SV2C: variants seen among roughly 807,000 people sequenced by gnomAD.
SV2C encodes the protein synaptic vesicle glycoprotein 2C.
In SV2C, 49 loss-of-function variants were observed where a neutral mutation model predicts 79.7. That is an observed-to-expected ratio of 0.61 (90% CI 0.49 to 0.78). The LOEUF is 0.78. SV2C is among the 30% of genes least tolerant of loss of function. The probability of loss-of-function intolerance (pLI) is 0.00; values close to 1 mark genes in which losing one functional copy is unlikely to be tolerated. For synonymous variants in SV2C, 334 were observed against 333.2 expected (o/e 1.00, Z -0.03); for missense variants, 833 against 912.9 (o/e 0.91, Z 1.13).
the SV2C span, among the ~76,000 whole-genome samples, chr5:75,969,580 C>T: frequency 1.3e-5 from 2 of 152,090 alleles, no homozygotes; most frequent in East Asian, 1.9e-4. Context: ...CAAAGAAGGC[C>T]ATTACATAAT....
intron 2 of SV2C, among the ~76,000 whole-genome samples, chr5:76,167,732 C>T (rs1743086953): frequency 6.6e-6 from 1 of 152,164 alleles, no homozygotes; most frequent in Admixed American, 6.5e-5. Context: ...GGATAGGAAG[C>T]CATGCAGTCT....
At chr5:76,146,442 C>T (rs780013259) in intron 2 of SV2C, among the ~76,000 whole-genome samples, 7 of 152,162 alleles carry the variant, frequency 4.6e-5, no homozygotes, top group Non-Finnish European at 1.5e-5. Flanking sequence ...TATAGGGAAA[C>T]TTCCTGACAT....
At chr5:76,238,422 T>C (rs1019946747) in intron 4 of SV2C, among the ~76,000 whole-genome samples, 1 of 152,162 alleles carries the variant, frequency 6.6e-6, no homozygotes, top group African/African-American at 2.4e-5. Context: ...GGTTTTGGGA[T>C]GGGAGTGATC....
the SV2C span, among the ~76,000 whole-genome samples, chr5:76,015,297 A>G: frequency 6.9e-6 from 1 of 144,060 alleles, no homozygotes; most frequent in South Asian, 2.2e-4. Flanking sequence ...CCCACTGGAC[A>G]TGTAGCATGA....
chr5:76,060,034 C>A, the SV2C span, among the ~76,000 whole-genome samples: 1 of 152,038 alleles, frequency 6.6e-6, no homozygotes, highest in African/African-American at 2.4e-5. Flanking sequence ...TTTTAATGAG[C>A]AGTAGGCCTC....
At chr5:76,168,880 G>A (rs1038231892) in intron 2 of SV2C, among the ~76,000 whole-genome samples, 2 of 152,184 alleles carry the variant, frequency 1.3e-5, no homozygotes, top group Admixed American at 1.3e-4. Flanking sequence ...AGGCTGACCT[G>A]TAGACACTAT....
chr5:76,285,936 A>G, intron 6 of SV2C, 66 bp downstream of exon 6: 1 of 1,471,228 alleles, frequency 6.8e-7, no homozygotes, highest in Admixed American at 1.9e-5. Context: ...CAAGGGAAAA[A>G]TTGTAAATAT....
At chr5:76,137,130 C>T (rs1749095487) in intron 2 of SV2C, among the ~76,000 whole-genome samples, 1 of 152,086 alleles carries the variant, frequency 6.6e-6, no homozygotes, top group African/African-American at 2.4e-5. Context: ...TAAGAATACC[C>T]AATTAGATTG....
At chr5:76,274,905 C>A (rs1353842443) in intron 4 of SV2C, among the ~76,000 whole-genome samples, 1 of 152,048 alleles carries the variant, frequency 6.6e-6, no homozygotes. Context: ...TCTGTAGGAA[C>A]AAAATCAGAA....
chr5:75,925,455 T>C, the SV2C span, among the ~76,000 whole-genome samples: 1 of 152,100 alleles, frequency 6.6e-6, no homozygotes, highest in Non-Finnish European at 1.5e-5. Flanking sequence ...CCATACACCA[T>C]ATAGGTAGCT....
chr5:76,146,787 A>AG (rs1431926819), intron 2 of SV2C, among the ~76,000 whole-genome samples: 2 of 76,146 alleles, frequency 2.6e-5, no homozygotes, highest in Admixed American at 1.5e-4. Flanking sequence ...TAAAGGAATG[A>AG]GTTTTTTTTT....
chr5:75,877,332 T>C, the SV2C span, among the ~76,000 whole-genome samples: 2 of 151,902 alleles, frequency 1.3e-5, no homozygotes, highest in East Asian at 1.9e-4. Context: ...ACAACAATAA[T>C]TGGAAACTTC....
intron 2 of SV2C, among the ~76,000 whole-genome samples, chr5:76,179,282 A>C (rs2112296352): frequency 6.6e-6 from 1 of 152,348 alleles, no homozygotes; most frequent in East Asian, 1.9e-4. Flanking sequence ...GAACGAATGC[A>C]GTGTGCTTAG....
At chr5:76,348,944 A>G (rs1038166488) in intron 12 of SV2C, among the ~76,000 whole-genome samples, 1 of 152,158 alleles carries the variant, frequency 6.6e-6, no homozygotes, top group Non-Finnish European at 1.5e-5. Flanking sequence ...GTTTGCAGCG[A>G]GCCGAGACCA....
In SV2C at chr5:76,333,368, A is replaced by G. The variant is rs533913717; in HGVS notation, c.*7821A>G. The G allele has an allele frequency of 1.3e-5, 2 of 152,360 alleles. No individual in the cohort carries two copies. Among genetic ancestry groups the G allele is most frequent in the Admixed American group, 6.5e-5 (1 of 15,306 alleles). 9.4% of individuals were successfully genotyped at this position (152,360 alleles called of 1,614,324 possible). ...AACAGATCATATGTCTTTTGTTACT[A>G]TCTAGATACACTAAATAACATGATA... On this transcript the variant is annotated 3_prime_UTR_variant, in exon 13 of 13. Transcript: ENST00000502798.
chr5:75,943,057 C>G, the SV2C span, among the ~76,000 whole-genome samples: 7 of 152,152 alleles, frequency 4.6e-5, no homozygotes, highest in African/African-American at 1.7e-4. Flanking sequence ...GAGAACTCAG[C>G]TGTGTCTGCA....
At chr5:76,319,766 G>A (rs1748764564) in intron 12 of SV2C, among the ~76,000 whole-genome samples, 1 of 152,146 alleles carries the variant, frequency 6.6e-6, no homozygotes. Flanking sequence ...CATTTTATAC[G>A]CTATTCTGAG....
the SV2C span, among the ~76,000 whole-genome samples, chr5:75,913,052 C>T: frequency 8.5e-5 from 13 of 152,170 alleles, no homozygotes; most frequent in Admixed American, 6.5e-4. Flanking sequence ...TCAATCCATA[C>T]TAGGTTTCCC....
the SV2C span, among the ~76,000 whole-genome samples, chr5:75,937,092 A>T: frequency 6.6e-6 from 1 of 152,344 alleles, no homozygotes; most frequent in South Asian, 2.1e-4. Flanking sequence ...ACTAATCTGT[A>T]TTTAGCAATT....
Sources: allele counts gnomAD v4.1 joint callset (sites outside exome capture counted in the v4.1 genomes callset), GRCh38; gene constraint gnomAD v4.1.1; transcripts MANE v1.5; gene names NCBI Gene and HGNC (gene_info 2026-07-23, HGNC 2026-07-21).